Variants in UGT2B4 observed in about 807,000 individuals in gnomAD.
The protein encoded by UGT2B4 is UDP glucuronosyltransferase family 2 member B4.
A neutral mutation model predicts 49.8 loss-of-function variants in UGT2B4; 49 were observed. The ratio of observed to expected loss-of-function variants is 0.98; its 90% CI spans 0.78 to 1.25. UGT2B4 has a LOEUF of 1.25. Ranked by LOEUF, UGT2B4 falls within the 50% of genes most tolerant of loss-of-function variation. UGT2B4 has a pLI of 0.00. For missense variants in UGT2B4, 729 were observed against 627.7 expected (o/e 1.16, Z -1.73); for synonymous variants, 246 against 217.7 (o/e 1.13, Z -1.14).
chr4:69,509,729 G>C (rs529779264), intron 1 of UGT2B4, among the ~76,000 whole-genome samples: 2 of 152,072 alleles, frequency 1.3e-5, no homozygotes, highest in East Asian at 3.9e-4. Context: ...TATTGTCACA[G>C]TTATATAAAT....
chr4:69,500,647 AAG>A (rs1160887535), upstream of UGT2B4, among the ~76,000 whole-genome samples: 1 of 141,474 alleles, frequency 7.1e-6, no homozygotes, highest in Non-Finnish European at 1.6e-5. Flanking sequence ...GAAAGAAAGA[AAG>A]AAAGAAAGAA....
In UGT2B4 at chr4:69,495,285, A is replaced by G. The variant is rs371383787; in HGVS notation, c.577T>C (p.Tyr193His). ...HSGGLLFPPS[Y>H]VPVVMSELSD... The stretch of plus-strand genomic sequence containing the variant: ...AGTTCTGACATAACAACAGGCACAT[A>G]GGAAGGAGGGAACAGAAGTCCTCCA... Residue 193 changes from tyrosine to histidine, a missense_variant, in exon 1 of 6, where the codon TAT (tyrosine) becomes CAT (histidine). Coordinates refer to ENST00000305107, the MANE Select transcript of UGT2B4 (RefSeq NM_021139.3). 12 of 1,613,404 alleles carry G rather than the reference A, an allele frequency of 7.4e-6. No individual in the cohort carries two copies. The highest frequency in any genetic ancestry group is 1.0e-5 in the Non-Finnish European group (12 of 1,179,790).
At chr4:69,501,660 G>T (rs112314905) in intron 1 of UGT2B4, among the ~76,000 whole-genome samples, 84 of 152,206 alleles carry the variant, frequency 5.5e-4, no homozygotes, top group African/African-American at 1.9e-3. Flanking sequence ...CGCCACTGGT[G>T]TTCCTTAGCT....
At chr4:69,500,641 G>GAA (rs1252909483), upstream of UGT2B4, among the ~76,000 whole-genome samples, 2 of 140,174 alleles carry the variant, frequency 1.4e-5, no homozygotes, top group African/African-American at 2.5e-5. Context: ...AAGAAAGAAA[G>GAA]AAAGAAAGAA....
chr4:69,502,712 AG>A (rs1338054181), intron 1 of UGT2B4, among the ~76,000 whole-genome samples: 1 of 152,120 alleles, frequency 6.6e-6, no homozygotes, highest in Non-Finnish European at 1.5e-5. Context: ...CAGAGCCTCC[AG>A]GGGCCCCTGA....
At chr4:69,525,778 A>ATGTG in exon 1 of UGT2B4, 2 of 1,194,044 alleles carry the variant, frequency 1.7e-6, no homozygotes, top group Non-Finnish European at 2.2e-6. Flanking sequence ...ATATTTAAAC[A>ATGTG]AGTTGACTAA....
At chr4:69,482,372 G>A (rs13104260) in intron 5 of UGT2B4, among the ~76,000 whole-genome samples, 29,919 of 152,000 alleles carry the variant, frequency 0.2, 3,251 homozygotes, top group Non-Finnish European at 0.25. Flanking sequence ...GTGTACATAC[G>A]CTAAGTGAAA....
chr4:69,503,645 A>G lies in UGT2B4; in HGVS notation c.-105-7679T>C, dbSNP rs1490312821. Among the ~76,000 whole-genome samples, 44 of 151,972 alleles carry G rather than the reference A, an allele frequency of 2.9e-4. 1 individual carries two copies. Among genetic ancestry groups the G allele is most frequent in the Admixed American group, 2.9e-3 (44 of 15,260 alleles). On this transcript the variant is annotated intron_variant, in intron 1 of 1. Transcript: ENST00000510114. ...AAATCCTCCCATAACCTAAGTGATC[A>G]CTCTTAACTTGTGGAGCACAGAGAA...
At position 69,520,315 on chromosome 4, in the gene UGT2B4, C is replaced by T. The variant is rs555031949; in HGVS notation, c.-106+5372G>A. 1.4e-4 allele frequency among the ~76,000 whole-genome samples: 22 copies of T among 152,338 alleles called. 1 individual carries two copies. The South Asian group carries it at 3.5e-3, about 24-fold the overall frequency. On this transcript the variant is annotated intron_variant, in intron 1 of 1. Coordinates refer to the UGT2B4 transcript ENST00000510114. ...TATTGATGACAGCTCTCAGCCCGTA[C>T]GACACAGCCACTGCTGGAGTTGGGA... is the stretch of plus-strand genomic sequence containing the variant.
At chr4:69,511,633 T>C (rs908520456) in intron 1 of UGT2B4, among the ~76,000 whole-genome samples, 2 of 152,170 alleles carry the variant, frequency 1.3e-5, no homozygotes, top group Admixed American at 6.5e-5. Context: ...CATTATTCTA[T>C]TTCTGTCGCG....
intron 4 of UGT2B4, 72 bp downstream of exon 4, chr4:69,486,537 G>T (rs961217746): frequency 5.9e-6 from 6 of 1,025,330 alleles, no homozygotes; most frequent in Admixed American, 2.8e-5. Context: ...CAGTAAGCTT[G>T]TTTCATGATA....
intron 1 of UGT2B4, among the ~76,000 whole-genome samples, chr4:69,523,075 C>T (rs1728882991): frequency 6.6e-6 from 1 of 152,188 alleles, no homozygotes; most frequent in Non-Finnish European, 1.5e-5. Context: ...TTCACCACAC[C>T]TGCAGTTGTT....
chr4:69,512,327 T>C (rs1271223599), intron 1 of UGT2B4, among the ~76,000 whole-genome samples: 1 of 152,134 alleles, frequency 6.6e-6, no homozygotes, highest in East Asian at 1.9e-4. Flanking sequence ...CCTGTAAATT[T>C]TGGTATGTTG....
chr4:69,484,801 T>C (rs1368258782), intron 5 of UGT2B4, among the ~76,000 whole-genome samples: 1 of 152,162 alleles, frequency 6.6e-6, no homozygotes, highest in African/African-American at 2.4e-5. Flanking sequence ...TTATCAAGTC[T>C]GTTACAATAA....
chr4:69,495,909 A>G, upstream of UGT2B4: 4 of 1,537,236 alleles, frequency 2.6e-6, no homozygotes, highest in Non-Finnish European at 3.5e-6. Context: ...CCTTTCTGTC[A>G]TTTCTCATGG....
intron 3 of UGT2B4, among the ~76,000 whole-genome samples, chr4:69,488,122 T>C (rs563848296): frequency 1.1e-4 from 17 of 152,332 alleles, no homozygotes; most frequent in African/African-American, 4.1e-4. Flanking sequence ...AAGAAAAATT[T>C]CAAGTGACAA....
At chr4:69,502,149 C>CTTTCTT (rs1327985495) in intron 1 of UGT2B4, among the ~76,000 whole-genome samples, 1 of 64,196 alleles carries the variant, frequency 1.6e-5, no homozygotes. Context: ...TTCTTTCTTT[C>CTTTCTT]TCTTTCTTTC....
At chr4:69,487,654 T>C (rs1727834061) in intron 3 of UGT2B4, among the ~76,000 whole-genome samples, 1 of 152,108 alleles carries the variant, frequency 6.6e-6, no homozygotes, top group African/African-American at 2.4e-5. Context: ...CTAGTCTTAC[T>C]ACCTGTAAGA....
intron 1 of UGT2B4, among the ~76,000 whole-genome samples, chr4:69,522,789 A>G (rs770216261): frequency 1.3e-5 from 2 of 152,190 alleles, no homozygotes; most frequent in Non-Finnish European, 2.9e-5. Flanking sequence ...AGTGTCTGAC[A>G]GCATTTTACC....
Sources: gnomAD v4.1 joint callset for allele counts (sites outside exome capture counted in the v4.1 genomes callset) on GRCh38, gnomAD v4.1.1 for gene constraint, MANE v1.5 for transcripts, NCBI Gene and HGNC (gene_info 2026-07-23, HGNC 2026-07-21) for gene names.